Variants in SLC37A3 observed in about 807,000 individuals in gnomAD.
SLC37A3 encodes the protein sugar phosphate exchanger 3.
SLC37A3 carries 51 observed loss-of-function variants against 67.1 expected under a neutral mutation model. The ratio of observed to expected loss-of-function variants is 0.76; its 90% confidence interval spans 0.61 to 0.96. The LOEUF is 0.96. Among genes scored for constraint, SLC37A3 ranks in the 40% least tolerant of loss-of-function variants. SLC37A3 has a pLI of 0.00. For synonymous variants in SLC37A3, 214 were observed against 231.4 expected (o/e 0.92, Z 0.68); for missense variants, 508 against 603.0 (o/e 0.84, Z 1.65).
At chr7:140,351,160 A>C (rs1323390750) in intron 9 of SLC37A3, 113 bp downstream of exon 9, 22 of 1,066,848 alleles carry the variant, frequency 2.1e-5, no homozygotes, top group Non-Finnish European at 2.9e-5. Flanking sequence ...GTATATTCCT[A>C]AAATAAAGTA....
intron 13 of SLC37A3, among the ~76,000 whole-genome samples, chr7:140,340,119 A>C (rs1796301981): frequency 6.6e-6 from 1 of 152,164 alleles, no homozygotes; most frequent in African/African-American, 2.4e-5. Context: ...TTTCCCAATG[A>C]CTAAGGATGC....
chr7:140,366,803 TTC>T (rs898110237), intron 4 of SLC37A3, among the ~76,000 whole-genome samples: 3 of 152,122 alleles, frequency 2.0e-5, no homozygotes, highest in African/African-American at 7.2e-5. Context: ...TTCCAACTGT[TTC>T]TCTGTTTCCT....
intron 9 of SLC37A3, among the ~76,000 whole-genome samples, chr7:140,349,907 A>G (rs975943487): frequency 2.0e-5 from 3 of 152,260 alleles, no homozygotes; most frequent in Non-Finnish European, 4.4e-5. Context: ...AATCAATAGC[A>G]TAAGAACAGG....
At chr7:140,361,369 C>G (rs903786685) in intron 5 of SLC37A3, among the ~76,000 whole-genome samples, 1 of 151,986 alleles carries the variant, frequency 6.6e-6, no homozygotes, top group Non-Finnish European at 1.5e-5. Context: ...GTAATCCCAG[C>G]TACTCAGGAG....
intron 1 of SLC37A3, among the ~76,000 whole-genome samples, chr7:140,388,183 A>C (rs1402461800): frequency 6.6e-6 from 1 of 151,882 alleles, no homozygotes; most frequent in African/African-American, 2.4e-5. Flanking sequence ...CTGAAATTCC[A>C]GTAATTTGGG....
intron 2 of SLC37A3, among the ~76,000 whole-genome samples, chr7:140,380,898 T>TTC (rs1491560908): frequency 0.011 from 131 of 12,378 alleles, 1 homozygote; most frequent in African/African-American, 0.033. Flanking sequence ...CTTCTTCTTC[T>TTC]TTTTTTTTTT....
intron 1 of SLC37A3, among the ~76,000 whole-genome samples, chr7:140,387,906 T>A (rs1798568941): frequency 7.7e-6 from 1 of 129,866 alleles, no homozygotes; most frequent in African/African-American, 2.9e-5. Context: ...GAGACTGAGA[T>A]GGGAGGATCA....
chr7:140,348,314 A>C, intron 10 of SLC37A3: 1 of 208,420 alleles, frequency 4.8e-6, no homozygotes. Context: ...AAAGGATTGC[A>C]TTTAAAGAGA....
intron 4 of SLC37A3, among the ~76,000 whole-genome samples, chr7:140,366,547 T>C (rs1797609378): frequency 6.6e-6 from 1 of 152,136 alleles, no homozygotes; most frequent in African/African-American, 2.4e-5. Context: ...TCTAGTCCTA[T>C]AGATGACTCC....
At chr7:140,390,642 C>T (rs752764928) in intron 1 of SLC37A3, among the ~76,000 whole-genome samples, 16 of 152,110 alleles carry the variant, frequency 1.1e-4, no homozygotes, top group Non-Finnish European at 2.1e-4. Context: ...AACCTCCATC[C>T]CCACCGCCAG....
At chr7:140,360,660 G>C (rs1797228876) in intron 5 of SLC37A3, among the ~76,000 whole-genome samples, 1 of 151,382 alleles carries the variant, frequency 6.6e-6, no homozygotes. Flanking sequence ...CTTGAATCTG[G>C]GAAGTGGAGG....
At chr7:140,375,330 C>T (rs1797991099) in intron 3 of SLC37A3, among the ~76,000 whole-genome samples, 1 of 151,926 alleles carries the variant, frequency 6.6e-6, no homozygotes, top group South Asian at 2.1e-4. Flanking sequence ...AAAAAATTAG[C>T]CAGGCATGGT....
chr7:140,374,730 C>T (rs537145947), intron 3 of SLC37A3, among the ~76,000 whole-genome samples: 11 of 151,968 alleles, frequency 7.2e-5, no homozygotes, highest in Middle Eastern at 3.4e-3. Flanking sequence ...CCTGTAGTGC[C>T]AGAGTACAGT....
intron 13 of SLC37A3, among the ~76,000 whole-genome samples, chr7:140,339,994 T>C (rs1403603577): frequency 3.9e-5 from 6 of 152,064 alleles, no homozygotes; most frequent in Non-Finnish European, 1.5e-5. Context: ...CGCCTCGGCC[T>C]CCCAGAGTGC....
rs71170981 is a variant in SLC37A3, at chr7:140,365,919, C to CTTTTTTTTTTTTT, written c.292-1441_292-1429dup. On this transcript the variant is annotated intron_variant, in intron 4 of 14. Transcript: ENST00000326232. Reference sequence around the variant, plus strand: ...GCTTCAGATGACAGAACAATACATGCTTTTTTTTTTTTTTTTTTTTTTTTT... The same window carrying CTTTTTTTTTTTTT: ...GCTTCAGATGACAGAACAATACATGCTTTTTTTTTTTTTTTTTTTTTTTTTTTTTTTTTTTTTT... 6.8e-5 allele frequency among the ~76,000 whole-genome samples: 3 copies of CTTTTTTTTTTTTT among 43,876 alleles called. 1 individual carries two copies. Among genetic ancestry groups the CTTTTTTTTTTTTT allele is most frequent in the Non-Finnish European group, 1.2e-4 (3 of 26,040 alleles). The allele number at this position is 43,876 out of a possible 152,430, so 28.8% of individuals were successfully genotyped here. A position where few individuals can be genotyped will look rare whatever the true frequency, so the allele number is the denominator to read the frequency against.
Position 140,365,372 on chromosome 7 carries a change from T to C in SLC37A3, c.292-881A>G, listed in dbSNP as rs548882134. Among the ~76,000 whole-genome samples, 5 of 152,050 alleles carry C rather than the reference T, an allele frequency of 3.3e-5. No homozygotes were observed. The South Asian group carries it at 1.0e-3, about 32-fold the overall frequency. On this transcript the variant is annotated intron_variant, in intron 4 of 14. Coordinates refer to ENST00000326232, the MANE Select transcript of SLC37A3 (RefSeq NM_207113.3). ...CACTTTGGGAGCGGGGAGAATTGCT[T>C]GAGGCCAATAGTTCAAGACCAAACT...
chr7:140,350,301 G>T (rs781741240), intron 9 of SLC37A3, among the ~76,000 whole-genome samples: 4 of 152,136 alleles, frequency 2.6e-5, no homozygotes, highest in South Asian at 2.1e-4. Flanking sequence ...CATAACCTAG[G>T]CCTCTTAACT....
chr7:140,337,098 CAAAAAAAAAAAA>C lies in SLC37A3; in HGVS notation c.1392+174_1392+185del, dbSNP rs1172096190. Among the ~76,000 whole-genome samples, 7 of 69,660 alleles carry C rather than the reference CAAAAAAAAAAAA, an allele frequency of 1.0e-4. No individual in the cohort carries two copies. The East Asian group carries it at 3.2e-3, about 32-fold the overall frequency. The allele number at this position is 69,660 out of a possible 152,430, so 45.7% of individuals were successfully genotyped here. On this transcript the variant is annotated intron_variant, in intron 14 of 14. Coordinates refer to ENST00000326232, the MANE Select transcript of SLC37A3 (RefSeq NM_207113.3). ...TGGGCAACAGAGCGAGACTCTGCCT[CAAAAAAAAAAAA>C]AAAAAAAAAGAAGAAGAAGAAGAAG...
At position 140,341,634 on chromosome 7, in the gene SLC37A3, C is replaced by G. The variant is rs543620330; in HGVS notation, c.1326+1778G>C. On this transcript the variant is annotated intron_variant, in intron 13 of 14. Coordinates refer to ENST00000326232, the MANE Select transcript of SLC37A3 (RefSeq NM_207113.3). Reference sequence around the variant, plus strand: ...CAACATGGAAGAGGAATGAGTAAAGCTAACAGTGATTTACTCCAGACGTGC... The same window carrying G: ...CAACATGGAAGAGGAATGAGTAAAGGTAACAGTGATTTACTCCAGACGTGC... 2.6e-5 allele frequency among the ~76,000 whole-genome samples: 4 copies of G among 152,238 alleles called. No homozygotes were observed. The South Asian group carries it at 8.3e-4, about 32-fold the overall frequency.
Sources: gnomAD v4.1 joint callset for allele counts (sites outside exome capture counted in the v4.1 genomes callset) on GRCh38, gnomAD v4.1.1 for gene constraint, MANE v1.5 for transcripts, NCBI Gene and HGNC (gene_info 2026-07-23, HGNC 2026-07-21) for gene names.